Variants in MED12L observed in about 807,000 individuals in gnomAD.
MED12L encodes the protein mediator complex subunit 12L, also known as mediator of RNA polymerase II transcription subunit 12-like protein.
Under a neutral mutation model 281.3 loss-of-function variants are expected in MED12L, and 60 were observed. The observed-to-expected ratio is 0.21, with a 90% CI of 0.17 to 0.26. The LOEUF (loss-of-function observed/expected upper bound fraction) is 0.26. Ranked by LOEUF, MED12L falls within the 10% of genes least tolerant of loss-of-function variation. The pLI, the probability that MED12L is intolerant of heterozygous loss-of-function variation, is 1.00. For missense variants in MED12L, 2,146 were observed against 2,680.9 expected (o/e 0.80, Z 4.41); for synonymous variants, 974 against 987.2 (o/e 0.99, Z 0.25).
At chr3:151,312,836 T>C (rs1280815323) in intron 16 of MED12L, among the ~76,000 whole-genome samples, 1 of 152,220 alleles carries the variant, frequency 6.6e-6, no homozygotes, top group Non-Finnish European at 1.5e-5. Flanking sequence ...TGTGCCGCCT[T>C]CTTCTGTAAA....
intron 16 of MED12L, among the ~76,000 whole-genome samples, chr3:151,323,937 G>A (rs771566891): frequency 2.0e-5 from 3 of 152,202 alleles, no homozygotes; most frequent in South Asian, 4.1e-4. Context: ...AAGCCCATTC[G>A]TGTTGAGACT....
Position 151,115,507 on chromosome 3 carries a change from C to G in MED12L, c.100-831C>G, listed in dbSNP as rs955176206. ...GGGATCACAGGCACCTGCCACCACGCCCAGCTAATTTTTGTTTTTAGTAGA... is the reference window on the plus strand; with the variant it reads ...GGGATCACAGGCACCTGCCACCACGGCCAGCTAATTTTTGTTTTTAGTAGA... On this transcript the variant is annotated intron_variant, in intron 2 of 44. Transcript: ENST00000687756. Among the ~76,000 whole-genome samples the G allele has an allele frequency of 6.6e-5, 10 of 151,442 alleles. No individual in the cohort carries two copies. The South Asian group carries it at 1.7e-3, about 25-fold the overall frequency.
At chr3:151,248,993 C>T (rs1736323581) in intron 16 of MED12L, 1 of 152,178 alleles carries the variant, frequency 6.6e-6, no homozygotes, top group Admixed American at 6.6e-5. Flanking sequence ...GGAAACACTG[C>T]ATTAGCTTTC....
At chr3:151,174,145 C>T (rs1462799742) in intron 11 of MED12L, among the ~76,000 whole-genome samples, 3 of 152,122 alleles carry the variant, frequency 2.0e-5, no homozygotes, top group East Asian at 1.9e-4. Flanking sequence ...ATTTCCTTTG[C>T]GCATCAGGTT....
chr3:151,403,019 CT>C (rs552267392), intron 39 of MED12L, among the ~76,000 whole-genome samples: 1 of 134,586 alleles, frequency 7.4e-6, no homozygotes, highest in African/African-American at 2.5e-5. Context: ...TCTTTCTTTT[CT>C]TTTTTCTTTT....
rs746104301 is a variant in MED12L, at chr3:151,158,743, A to G, written c.781A>G (p.Lys261Glu). 1.9e-6 allele frequency: 3 copies of G among 1,613,494 alleles called. No homozygotes were observed. The highest frequency in any genetic ancestry group is 2.2e-5 in the East Asian group (1 of 44,818). The change falls in exon 7 of 45, where the codon AAG becomes GAG. Residue 261 changes from lysine to glutamate, a missense_variant. Physicochemically the swap from Lys to Glu is moderately conservative, Grantham distance 56 (BLOSUM62 1). Transcript: ENST00000687756. The part of the protein sequence containing the change: ...YLTWILDVLE[K>E]IRPMDDDLLK... ...GACATGGATCCTGGATGTTTTAGAA[A>G]AGATCAGACCAATGGATGATGATCT...
chr3:151,251,221 T>G (rs899540080), intron 16 of MED12L, among the ~76,000 whole-genome samples: 1 of 152,206 alleles, frequency 6.6e-6, no homozygotes, highest in Admixed American at 6.5e-5. Flanking sequence ...CTCTGTACAC[T>G]GTTGTTCCTT....
intron 39 of MED12L, among the ~76,000 whole-genome samples, chr3:151,396,882 A>G (rs1032746744): frequency 1.3e-5 from 2 of 152,208 alleles, no homozygotes; most frequent in African/African-American, 4.8e-5. Context: ...AAACGATTTC[A>G]GCTAGAAATT....
At chr3:151,161,015 C>G (rs1560106856) in intron 8 of MED12L, among the ~76,000 whole-genome samples, 3 of 152,158 alleles carry the variant, frequency 2.0e-5, no homozygotes, top group African/African-American at 7.2e-5. Flanking sequence ...GTGGGACATA[C>G]ATTATAAACT....
At chr3:151,153,208 A>T (rs1204124129) in intron 5 of MED12L, among the ~76,000 whole-genome samples, 2 of 152,214 alleles carry the variant, frequency 1.3e-5, no homozygotes, top group African/African-American at 2.4e-5. Flanking sequence ...CTTCCAGGTC[A>T]GCCTTCTGTT....
chr3:151,304,499 G>A (rs578147517), intron 16 of MED12L, among the ~76,000 whole-genome samples: 19 of 152,128 alleles, frequency 1.2e-4, no homozygotes, highest in African/African-American at 3.6e-4. Flanking sequence ...GCTTGAACCC[G>A]GGAGACCTTG....
At chr3:151,187,022 A>T (rs748011460) in intron 12 of MED12L, among the ~76,000 whole-genome samples, 9 of 152,238 alleles carry the variant, frequency 5.9e-5, no homozygotes, top group Non-Finnish European at 1.2e-4. Context: ...AAATAGGAAG[A>T]ACATTTTATA....
At chr3:151,227,777 A>G (rs906815843) in intron 16 of MED12L, among the ~76,000 whole-genome samples, 3 of 152,202 alleles carry the variant, frequency 2.0e-5, no homozygotes, top group African/African-American at 7.2e-5. Flanking sequence ...TTTTTTGCCT[A>G]TAATGATTGG....
chr3:151,183,448 A>G (rs1722932679), intron 11 of MED12L, among the ~76,000 whole-genome samples: 1 of 152,224 alleles, frequency 6.6e-6, no homozygotes, highest in Non-Finnish European at 1.5e-5. Flanking sequence ...CTGCCTTTTC[A>G]GAATCGTGTG....
chr3:151,193,389 G>T, intron 15 of MED12L, 101 bp from the exon 16 acceptor site: 1 of 804,198 alleles, frequency 1.2e-6, no homozygotes, highest in Admixed American at 2.8e-5. Flanking sequence ...AGTAGGAAAA[G>T]GTGTATAAGT....
At chr3:151,187,356 A>G (rs1360576615) in intron 12 of MED12L, among the ~76,000 whole-genome samples, 1 of 152,162 alleles carries the variant, frequency 6.6e-6, no homozygotes, top group Non-Finnish European at 1.5e-5. Context: ...TACACATTCC[A>G]CTTTTAGAAG....
chr3:151,366,080 T>C, intron 23 of MED12L, 89 bp downstream of exon 23: 1 of 1,098,972 alleles, frequency 9.1e-7, no homozygotes, highest in Non-Finnish European at 1.2e-6. Flanking sequence ...TTTATTTAAT[T>C]GATTCAACTG....
chr3:151,248,799 A>G (rs970354425), intron 16 of MED12L: 24 of 152,152 alleles, frequency 1.6e-4, no homozygotes, highest in African/African-American at 5.8e-4. Flanking sequence ...ACACAAAGCC[A>G]TTTTACATTG....
chr3:151,435,904 A>C lies in MED12L; in HGVS notation c.*3100A>C, dbSNP rs1720120310. 1 of 152,186 alleles carries C rather than the reference A, an allele frequency of 6.6e-6. No homozygotes were observed. The highest frequency in any genetic ancestry group is 1.5e-5 in the Non-Finnish European group (1 of 68,030). The allele number at this position is 152,186 out of a possible 1,614,324, so 9.4% of individuals were successfully genotyped here. On this transcript the variant is annotated 3_prime_UTR_variant, in exon 45 of 45. Coordinates refer to ENST00000687756, the MANE Select transcript of MED12L (RefSeq NM_001393769.1). Reference sequence around the variant, plus strand: ...AATGAAATGAAATGCTTATAGAGCAACGATTCCTGCTCAGAAAAATTTCCT... The same window carrying C: ...AATGAAATGAAATGCTTATAGAGCACCGATTCCTGCTCAGAAAAATTTCCT...
Sources: allele counts gnomAD v4.1 joint callset (sites outside exome capture counted in the v4.1 genomes callset), GRCh38; gene constraint gnomAD v4.1.1; transcripts MANE v1.5; gene names NCBI Gene and HGNC (gene_info 2026-07-23, HGNC 2026-07-21).